SHROOM4: variants seen among roughly 807,000 people sequenced by gnomAD.
SHROOM4 encodes the protein shroom family member 4.
SHROOM4 carries 17 observed loss-of-function variants against 80.3 expected under a neutral mutation model. That is an observed-to-expected ratio of 0.21 (90% CI 0.14 to 0.32). SHROOM4 has a LOEUF of 0.32. Ranked by LOEUF, SHROOM4 falls within the 10% of genes least tolerant of loss-of-function variation. SHROOM4 has a pLI of 1.00. For synonymous variants in SHROOM4, 400 were observed against 437.5 expected, an observed-to-expected ratio of 0.91 and a Z score of 1.07; for missense variants, 993 against 1,140.3, an observed-to-expected ratio of 0.87 and a Z score of 1.86.
chrX:50,807,629 G>C (rs906903580), intron 1 of SHROOM4, among the ~76,000 whole-genome samples: 1 of 111,790 alleles, frequency 8.9e-6, no homozygotes, highest in Non-Finnish European at 1.9e-5. Context: ...TTCCTTCTCT[G>C]TAACTTAATA....
In SHROOM4 at chrX:50,634,589, G is replaced by A; in HGVS notation, c.1484C>T (p.Pro495Leu). Residue 495 changes from proline to leucine, a missense_variant, in exon 4 of 9, where the codon CCC becomes CTC. By Grantham distance (98) the Pro-to-Leu change is moderately conservative. Transcript: ENST00000376020. ...LVLGHQSQSS[P>L]PHGEADGHPS... is the part of the protein sequence containing the mutation. ...GTGTCCATCAGCCTCTCCATGTGGGGGACTGCTTTGGCTCTGGTGTCCCAA... is the reference window on the plus strand; with the variant it reads ...GTGTCCATCAGCCTCTCCATGTGGGAGACTGCTTTGGCTCTGGTGTCCCAA... 8.3e-7 allele frequency: 1 copy of A among 1,211,604 alleles called. No homozygotes were observed. The highest frequency in any genetic ancestry group is 1.8e-5 in the South Asian group (1 of 56,963).
At chrX:50,689,190 T>G (rs1933158672) in intron 2 of SHROOM4, among the ~76,000 whole-genome samples, 1 of 111,573 alleles carries the variant, frequency 9.0e-6, no homozygotes, top group African/African-American at 3.3e-5. Flanking sequence ...ATGTACCCCA[T>G]AAATACGTAC....
intron 1 of SHROOM4, among the ~76,000 whole-genome samples, chrX:50,726,273 T>C (rs1216878396): frequency 8.9e-6 from 1 of 112,263 alleles, no homozygotes; most frequent in Non-Finnish European, 1.9e-5. Flanking sequence ...TTGGAACTTA[T>C]GTTTAAAAGG....
At chrX:50,618,138 G>A (rs999271963) in intron 5 of SHROOM4, among the ~76,000 whole-genome samples, 20 of 111,135 alleles carry the variant, frequency 1.8e-4, no homozygotes, top group Admixed American at 1.2e-3. Flanking sequence ...ATTTTCAAGG[G>A]GATCAGGCCT....
intron 1 of SHROOM4, among the ~76,000 whole-genome samples, chrX:50,785,900 T>G (rs1935729859): frequency 8.9e-6 from 1 of 111,801 alleles, no homozygotes; most frequent in Non-Finnish European, 1.9e-5. Context: ...ATAAGACTAA[T>G]TTTCCAAACA....
At chrX:50,794,952 A>G (rs1935930570) in intron 1 of SHROOM4, among the ~76,000 whole-genome samples, 1 of 98,317 alleles carries the variant, frequency 1.0e-5, no homozygotes. Context: ...ATATAAATAT[A>G]GGTGTGTGCA....
At chrX:50,678,858 A>C (rs1224037094) in intron 2 of SHROOM4, among the ~76,000 whole-genome samples, 1 of 110,368 alleles carries the variant, frequency 9.1e-6, no homozygotes, top group Non-Finnish European at 1.9e-5. Flanking sequence ...CCCTCTCCCC[A>C]ATTTACCCCC....
At position 50,635,327 on chromosome X, in the gene SHROOM4, G is replaced by T; in HGVS notation, c.746C>A (p.Thr249Asn). ...ACGGGATGACATCTGAGAGCTGGGGGTCAGGTGGCCCCCATTGGTGCGCCG... is the reference window on the plus strand; with the variant it reads ...ACGGGATGACATCTGAGAGCTGGGGTTCAGGTGGCCCCCATTGGTGCGCCG... ...GSRRTNGGHL[T>N]PSSQMSSRPQ... Residue 249 changes from threonine to asparagine, a missense_variant, in exon 4 of 9, where the codon ACC (threonine) becomes AAC (asparagine). Physicochemically the swap from Thr to Asn is moderately conservative, Grantham distance 65 (BLOSUM62 0). Transcript: ENST00000376020. 8.3e-7 allele frequency: 1 copy of T among 1,202,554 alleles called. No homozygotes were observed. The highest frequency in any genetic ancestry group is 1.7e-5 in the African/African-American group (1 of 57,693).
Position 50,634,940 on chromosome X carries a change from C to A in SHROOM4, c.1133G>T (p.Ser378Ile), listed in dbSNP as rs781836476. 1 of 1,211,120 alleles carries A rather than the reference C, an allele frequency of 8.3e-7. No individual in the cohort carries two copies. The highest frequency in any genetic ancestry group is 1.1e-6 in the Non-Finnish European group (1 of 895,177). The change falls in exon 4 of 9, where the codon AGC (serine) becomes ATC (isoleucine). Residue 378 changes from serine (S) to isoleucine (I), a missense_variant. Transcript: ENST00000376020. ...CTCATTGAGTGGGTTGGAATCCACGCTGGAAGCTCTGTCACAGGCTTTTGG... is the reference window on the plus strand; with the variant it reads ...CTCATTGAGTGGGTTGGAATCCACGATGGAAGCTCTGTCACAGGCTTTTGG... Reference protein sequence around the residue: ...GSPKACDRASSVDSNPLNEAS... With the variant: ...GSPKACDRASIVDSNPLNEAS...
chrX:50,694,607 G>A (rs1933321552), intron 2 of SHROOM4, among the ~76,000 whole-genome samples: 1 of 69,898 alleles, frequency 1.4e-5, no homozygotes, highest in Admixed American at 2.3e-4. Flanking sequence ...TTGGTATTGA[G>A]TTTCATAAAG....
intron 1 of SHROOM4, among the ~76,000 whole-genome samples, chrX:50,702,346 C>T (rs782640944): frequency 9.0e-6 from 1 of 111,149 alleles, no homozygotes; most frequent in African/African-American, 3.3e-5. Flanking sequence ...TTAGAGACTC[C>T]GAAGAGAAAT....
At chrX:50,781,256 T>A (rs1935620522) in intron 1 of SHROOM4, among the ~76,000 whole-genome samples, 1 of 111,522 alleles carries the variant, frequency 9.0e-6, no homozygotes, top group Admixed American at 9.5e-5. Context: ...CCAGAAATAA[T>A]GTCTTACCAG....
At chrX:50,599,988 G>C (rs1432987837) in intron 7 of SHROOM4, among the ~76,000 whole-genome samples, 2 of 111,141 alleles carry the variant, frequency 1.8e-5, no homozygotes, top group African/African-American at 6.6e-5. Context: ...TACAGTCACA[G>C]GGAAGTACAG....
chrX:50,662,931 T>A (rs1308842967), intron 2 of SHROOM4, among the ~76,000 whole-genome samples: 1 of 109,354 alleles, frequency 9.1e-6, no homozygotes, highest in Non-Finnish European at 1.9e-5. Context: ...AAATGGGAGG[T>A]GAGAAAATAG....
At chrX:50,725,822 T>C (rs1049609843) in intron 1 of SHROOM4, among the ~76,000 whole-genome samples, 2 of 112,070 alleles carry the variant, frequency 1.8e-5, no homozygotes, top group Non-Finnish European at 3.8e-5. Context: ...AAAATTGGTA[T>C]TGGGAGTGGG....
intron 1 of SHROOM4, among the ~76,000 whole-genome samples, chrX:50,793,769 A>G (rs1935902079): frequency 9.1e-6 from 1 of 109,937 alleles, no homozygotes; most frequent in African/African-American, 3.3e-5. Flanking sequence ...AAGAGGGGTT[A>G]CTAACTTTGG....
At chrX:50,667,543 G>A (rs1557260436) in intron 2 of SHROOM4, among the ~76,000 whole-genome samples, 2 of 111,012 alleles carry the variant, frequency 1.8e-5, no homozygotes, top group African/African-American at 6.6e-5. Context: ...TGGACATTAT[G>A]TATAAAACAA....
At position 50,637,021 on chromosome X, in the gene SHROOM4, T is replaced by C. The variant is rs1248597168; in HGVS notation, c.404+1153A>G. 3.6e-5 allele frequency among the ~76,000 whole-genome samples: 4 copies of C among 111,476 alleles called. No homozygotes were observed. The South Asian group carries it at 1.2e-3, about 32-fold the overall frequency. ...TTTTTGCCATCAGGATCCTCTCTAA[T>C]ACTAGTATTGATAATATAGGGGCCT... On this transcript the variant is annotated intron_variant, in intron 3 of 8. Transcript: ENST00000376020.
intron 1 of SHROOM4, among the ~76,000 whole-genome samples, chrX:50,812,946 C>A (rs1388421946): frequency 1.5e-4 from 17 of 111,620 alleles, no homozygotes; most frequent in Non-Finnish European, 3.8e-5. Context: ...GGCAATCTGG[C>A]ACCTCAAGGT....
Sources: allele counts gnomAD v4.1 joint callset (sites outside exome capture counted in the v4.1 genomes callset), GRCh38; gene constraint gnomAD v4.1.1; transcripts MANE v1.5; gene names NCBI Gene and HGNC (gene_info 2026-07-23, HGNC 2026-07-21).